Variants in TMEM114 observed in about 807,000 individuals in gnomAD.
The protein encoded by TMEM114 is claudin-26.
A neutral mutation model predicts 6.2 loss-of-function variants in TMEM114; 6 were observed. That is an observed-to-expected ratio of 0.97 (90% CI 0.53 to 1.91). TMEM114 has a LOEUF of 1.91. Ranked by LOEUF, TMEM114 falls within the 40% of genes most tolerant of loss-of-function variation. The probability of loss-of-function intolerance (pLI) is 0.01; values close to 1 mark genes in which losing one functional copy is unlikely to be tolerated. For missense variants in TMEM114, 218 were observed against 158.3 expected, an observed-to-expected ratio of 1.38 and a Z score of -2.02; for synonymous variants, 104 against 73.0, an observed-to-expected ratio of 1.42 and a Z score of -2.16.
chr16:8,540,628 C>A (rs1900491319), intron 2 of TMEM114, among the ~76,000 whole-genome samples: 1 of 148,030 alleles, frequency 6.8e-6, no homozygotes, highest in Non-Finnish European at 1.5e-5. Context: ...TCAATTCATT[C>A]ACTGAACCAA....
At chr16:8,529,280 T>C in the TMEM114 span, among the ~76,000 whole-genome samples, 1 of 152,156 alleles carries the variant, frequency 6.6e-6, no homozygotes, top group East Asian at 1.9e-4. Flanking sequence ...AAAAGTTGAG[T>C]GCAGCTATTC....
At chr16:8,534,434 G>A (rs1170135217), downstream of TMEM114, among the ~76,000 whole-genome samples, 7 of 152,180 alleles carry the variant, frequency 4.6e-5, no homozygotes, top group Non-Finnish European at 8.8e-5. Context: ...AGTGGGAGCA[G>A]GTGGAGGGTG....
At chr16:8,535,698 G>A (rs770497440), downstream of TMEM114, among the ~76,000 whole-genome samples, 6 of 152,154 alleles carry the variant, frequency 3.9e-5, no homozygotes, top group Non-Finnish European at 7.3e-5. Flanking sequence ...TCGTGGGAAC[G>A]TCACCTGCAA....
At chr16:8,586,128 C>G (rs1219078517) in intron 2 of TMEM114, among the ~76,000 whole-genome samples, 1 of 152,158 alleles carries the variant, frequency 6.6e-6, no homozygotes, top group African/African-American at 2.4e-5. Context: ...CCCAGCTTGG[C>G]AAAGGATCAG....
chr16:8,560,027 C>G (rs1901147594), intron 2 of TMEM114, among the ~76,000 whole-genome samples: 3 of 152,130 alleles, frequency 2.0e-5, no homozygotes, highest in Admixed American at 2.0e-4. Context: ...GATAGGGTCT[C>G]ACTCTGTTAC....
At chr16:8,555,214 T>C (rs1256425682) in intron 2 of TMEM114, among the ~76,000 whole-genome samples, 4 of 152,220 alleles carry the variant, frequency 2.6e-5, no homozygotes, top group African/African-American at 9.7e-5. Context: ...TATGCACTAC[T>C]GATGCAGGGT....
chr16:8,584,664 G>C (rs1288228574), intron 2 of TMEM114, among the ~76,000 whole-genome samples: 1 of 152,182 alleles, frequency 6.6e-6, no homozygotes. Context: ...GGCCCACCCT[G>C]TAATCCCAGC....
At chr16:8,554,215 C>G (rs8050657) in intron 2 of TMEM114, among the ~76,000 whole-genome samples, 64,985 of 151,408 alleles carry the variant, frequency 0.43, 14,727 homozygotes, top group African/African-American at 0.57. Flanking sequence ...CCCCTTTATT[C>G]ACTGCCTGGG....
At chr16:8,570,863 A>G (rs972307769) in intron 3 of TMEM114, among the ~76,000 whole-genome samples, 1 of 152,150 alleles carries the variant, frequency 6.6e-6, no homozygotes, top group African/African-American at 2.4e-5. Context: ...TCAGTCCCCC[A>G]TCAGCACTCA....
chr16:8,545,284 A>G (rs541013748), intron 2 of TMEM114, among the ~76,000 whole-genome samples: 1 of 152,172 alleles, frequency 6.6e-6, no homozygotes, highest in Non-Finnish European at 1.5e-5. Context: ...CAAAAAATAA[A>G]AAATAACCAG....
chr16:8,564,898 T>G (rs1372455823), downstream of TMEM114, among the ~76,000 whole-genome samples: 2 of 35,506 alleles, frequency 5.6e-5, no homozygotes, highest in Admixed American at 5.2e-4. Flanking sequence ...AGTGAGTGAG[T>G]GAATGAGTGA....
At chr16:8,547,368 C>T (rs1420044207) in intron 2 of TMEM114, among the ~76,000 whole-genome samples, 2 of 148,176 alleles carry the variant, frequency 1.3e-5, no homozygotes, top group South Asian at 2.2e-4. Flanking sequence ...CCTGAAGAGA[C>T]GCGCTTTCTT....
intron 2 of TMEM114, among the ~76,000 whole-genome samples, chr16:8,541,782 A>G (rs1275139989): frequency 6.6e-6 from 1 of 152,156 alleles, no homozygotes; most frequent in Non-Finnish European, 1.5e-5. Flanking sequence ...CTGTCTGTGT[A>G]TGGGGTTACT....
intron 2 of TMEM114, among the ~76,000 whole-genome samples, chr16:8,581,062 G>C (rs565759131): frequency 6.6e-6 from 1 of 152,116 alleles, no homozygotes; most frequent in Non-Finnish European, 1.5e-5. Context: ...ATCATAATTG[G>C]CAGTATATTT....
chr16:8,550,958 C>G (rs1006401208), intron 2 of TMEM114, among the ~76,000 whole-genome samples: 4 of 152,316 alleles, frequency 2.6e-5, no homozygotes, highest in South Asian at 2.1e-4. Flanking sequence ...TCACCTTGTA[C>G]TTGATTTGCA....
At chr16:8,562,068 A>ATGAGTGAGTGAATGAATGAG (rs1901242673) in intron 2 of TMEM114, among the ~76,000 whole-genome samples, 2 of 143,234 alleles carry the variant, frequency 1.4e-5, no homozygotes, top group African/African-American at 2.6e-5. Flanking sequence ...GAGTGAGTAA[A>ATGAGTGAGTGAATGAATGAG]TGAGTGAGTG....
intron 2 of TMEM114, among the ~76,000 whole-genome samples, chr16:8,588,260 C>G (rs1902376113): frequency 2.0e-5 from 3 of 148,878 alleles, no homozygotes; most frequent in South Asian, 2.2e-4. Flanking sequence ...GTACTCCAGC[C>G]TGGGCAACAG....
chr16:8,553,850 C>G lies in TMEM114; in HGVS notation n.213-16024G>C, dbSNP rs71377176. On this transcript the variant is annotated intron_variant and non_coding_transcript_variant, in intron 2 of 2. Transcript: ENST00000623677. ...AAGTAGCTGGAATTACAGGCTCACA[C>G]CACTATGGCTGCTAATTTTTTCCTT... is the stretch of plus-strand genomic sequence containing the variant. Among the ~76,000 whole-genome samples the G allele has an allele frequency of 6.5e-3, 989 of 152,048 alleles. 10 individuals are homozygous for G. The highest frequency in any genetic ancestry group is 0.012 in the Non-Finnish European group (811 of 67,978).
In TMEM114 at chr16:8,545,918, C is replaced by T. The variant is rs1280424708; in HGVS notation, n.213-8092G>A. On this transcript the variant is annotated intron_variant and non_coding_transcript_variant, in intron 2 of 2. Coordinates refer to the TMEM114 transcript ENST00000623677. ...TTGCTTGAGCCCAAGAGTTTGAAAC[C>T]AGCCTGGGCAACATAGCAAGACCCT... Among the ~76,000 whole-genome samples the T allele has an allele frequency of 2.0e-5, 3 of 152,194 alleles. No individual in the cohort carries two copies. In the East Asian group the frequency reaches 5.8e-4, roughly 29 times the overall value.
Sources: allele counts gnomAD v4.1 joint callset (sites outside exome capture counted in the v4.1 genomes callset), GRCh38; gene constraint gnomAD v4.1.1; transcripts MANE v1.5; gene names NCBI Gene and HGNC (gene_info 2026-07-23, HGNC 2026-07-21).